Variants in ARB2A observed in about 807,000 individuals in gnomAD.
ARB2A encodes ARB2 cotranscriptional regulator A.
At chr5:93,707,201 A>C in the ARB2A span, among the ~76,000 whole-genome samples, 1 of 152,194 alleles carries the variant, frequency 6.6e-6, no homozygotes, top group African/African-American at 2.4e-5. Flanking sequence ...AAGTGTTGTC[A>C]ACAAAATTTT....
the ARB2A span, among the ~76,000 whole-genome samples, chr5:93,744,190 A>C: frequency 6.6e-6 from 1 of 152,024 alleles, no homozygotes; most frequent in South Asian, 2.1e-4. Flanking sequence ...TAATGCCAGC[A>C]CTTTGGGAGG....
chr5:94,027,852 G>T, the ARB2A span, among the ~76,000 whole-genome samples: 5 of 152,182 alleles, frequency 3.3e-5, no homozygotes, highest in Non-Finnish European at 7.3e-5. Context: ...CTGGACTTGA[G>T]ACTAGTGGGA....
chr5:93,893,769 G>C, the ARB2A span, among the ~76,000 whole-genome samples: 1 of 152,098 alleles, frequency 6.6e-6, no homozygotes, highest in South Asian at 2.1e-4. Flanking sequence ...TTAGCCAAAG[G>C]TGGCTGTATA....
the ARB2A span, among the ~76,000 whole-genome samples, chr5:94,015,460 T>C: frequency 6.6e-6 from 1 of 151,400 alleles, no homozygotes; most frequent in Non-Finnish European, 1.5e-5. Context: ...CATTTGAAGG[T>C]ATAAAATCGA....
At chr5:94,095,090 G>T in the ARB2A span, among the ~76,000 whole-genome samples, 15 of 152,194 alleles carry the variant, frequency 9.9e-5, no homozygotes, top group Non-Finnish European at 1.8e-4. Context: ...TTGGGACTCT[G>T]TTACTTAGGC....
At chr5:94,012,782 T>C in the ARB2A span, among the ~76,000 whole-genome samples, 2 of 152,220 alleles carry the variant, frequency 1.3e-5, no homozygotes, top group Admixed American at 1.3e-4. Context: ...GAGCCAATAC[T>C]ATAACAATGG....
At chr5:93,660,173 T>C in the ARB2A span, among the ~76,000 whole-genome samples, 22 of 152,282 alleles carry the variant, frequency 1.4e-4, no homozygotes, top group Middle Eastern at 0.01. Flanking sequence ...CATTACTACA[T>C]TGAATTCTCA....
the ARB2A span, among the ~76,000 whole-genome samples, chr5:93,767,332 G>T: frequency 6.6e-6 from 1 of 152,084 alleles, no homozygotes; most frequent in East Asian, 1.9e-4. Flanking sequence ...CCACAATGTG[G>T]TATCACCTTA....
At chr5:93,881,786 T>C in the ARB2A span, 12 of 664,526 alleles carry the variant, frequency 1.8e-5, no homozygotes, top group East Asian at 3.0e-5. Flanking sequence ...AATTTTTATA[T>C]AGTTGCATAT....
chr5:93,889,706 C>A, the ARB2A span, among the ~76,000 whole-genome samples: 2 of 151,784 alleles, frequency 1.3e-5, no homozygotes, highest in Non-Finnish European at 2.9e-5. Flanking sequence ...TGCTACACTA[C>A]CTCATGGTAA....
the ARB2A span, chr5:93,776,282 T>G: frequency 6.5e-7 from 1 of 1,529,914 alleles, no homozygotes; most frequent in Non-Finnish European, 8.9e-7. Context: ...AAATACAATT[T>G]AAGCCAAGAT....
At chr5:93,922,693 A>C in the ARB2A span, among the ~76,000 whole-genome samples, 1 of 141,684 alleles carries the variant, frequency 7.1e-6, no homozygotes, top group Non-Finnish European at 1.6e-5. Flanking sequence ...GGAGGGAGGG[A>C]GGAAGGAAAG....
At chr5:93,808,099 A>G in the ARB2A span, among the ~76,000 whole-genome samples, 86 of 152,170 alleles carry the variant, frequency 5.7e-4, no homozygotes, top group Non-Finnish European at 3.1e-4. Flanking sequence ...GCAATAGATC[A>G]ATTGGATATA....
At chr5:93,857,722 G>A in the ARB2A span, among the ~76,000 whole-genome samples, 1 of 152,196 alleles carries the variant, frequency 6.6e-6, no homozygotes. Context: ...GGAACTCCCT[G>A]ACCCCTTGCG....
the ARB2A span, among the ~76,000 whole-genome samples, chr5:93,641,219 G>A: frequency 5.9e-5 from 9 of 151,374 alleles, no homozygotes; most frequent in Non-Finnish European, 1.2e-4. Flanking sequence ...AAAAAATTAT[G>A]AGGCCATGAA....
chr5:93,644,214 G>A, the ARB2A span, among the ~76,000 whole-genome samples: 1 of 152,188 alleles, frequency 6.6e-6, no homozygotes, highest in African/African-American at 2.4e-5. Flanking sequence ...AGGGCTACTA[G>A]AATATAAGCC....
At chr5:93,631,490 C>T in the ARB2A span, among the ~76,000 whole-genome samples, 8 of 152,118 alleles carry the variant, frequency 5.3e-5, no homozygotes, top group African/African-American at 1.9e-4. Context: ...TTCCCTTTGT[C>T]ATTTTCAAAA....
At chr5:93,926,411 G>T in the ARB2A span, among the ~76,000 whole-genome samples, 1 of 151,988 alleles carries the variant, frequency 6.6e-6, no homozygotes, top group African/African-American at 2.4e-5. Flanking sequence ...GGGATTATAG[G>T]CATGAGCCAC....
the ARB2A span, among the ~76,000 whole-genome samples, chr5:93,982,732 G>A: frequency 6.6e-6 from 1 of 152,148 alleles, no homozygotes; most frequent in African/African-American, 2.4e-5. Context: ...GGGCAACTGT[G>A]ACATAAGGGT....
Sources: allele counts gnomAD v4.1 joint callset (sites outside exome capture counted in the v4.1 genomes callset), GRCh38; gene constraint gnomAD v4.1.1; transcripts MANE v1.5; gene names NCBI Gene and HGNC (gene_info 2026-07-23, HGNC 2026-07-21).